The following PLEKHG5 variants were observed in gnomAD, a reference collection of about 807,000 sequenced individuals.
PLEKHG5 encodes pleckstrin homology domain-containing family G member 5.
In PLEKHG5, 52 loss-of-function variants were observed where a neutral mutation model predicts 103.8. The ratio of observed to expected loss-of-function variants is 0.50; its 90% CI spans 0.40 to 0.63. The LOEUF is 0.63. PLEKHG5 is among the 30% of genes least tolerant of loss of function. PLEKHG5 has a pLI of 0.00. For missense variants in PLEKHG5, 1,205 were observed against 1,347.6 expected, an observed-to-expected ratio of 0.89 and a Z score of 1.66; for synonymous variants, 592 against 575.5, an observed-to-expected ratio of 1.03 and a Z score of -0.41.
intron 1 of PLEKHG5, among the ~76,000 whole-genome samples, chr1:6,481,082 T>C (rs1232947688): frequency 6.6e-6 from 1 of 152,186 alleles, no homozygotes; most frequent in Non-Finnish European, 1.5e-5. Context: ...AGCCACCTTT[T>C]AGCTAGATGA....
chr1:6,470,714 C>G (rs1294852059), intron 14 of PLEKHG5, 21 bp downstream of exon 14: 12 of 1,551,640 alleles, frequency 7.7e-6, no homozygotes, highest in Non-Finnish European at 9.6e-6. Flanking sequence ...GGGGACGGCT[C>G]CCGCTGGCCA....
chr1:6,489,231 A>G, intron 1 of PLEKHG5, among the ~76,000 whole-genome samples: 1 of 152,292 alleles, frequency 6.6e-6, no homozygotes, highest in Admixed American at 6.5e-5. Context: ...GACTGCATGC[A>G]TGGGCAGGCC....
In PLEKHG5 at chr1:6,470,302, G is replaced by A. The variant is rs780943329; in HGVS notation, c.1734C>T (p.Ser578=). The change falls in exon 16 of 21, where the codon TCC becomes TCT. Residue 578 remains serine, a synonymous_variant. Transcript: ENST00000377728. ...GCAGCAGCTGCCGCGTCTCCTCCGG[G>A]GAGGCGCCAGGGATGGGCGCTGTCA... ...LDLTAPIPGA[S]PEETRQLLLE... The A allele has an allele frequency of 2.5e-6, 4 of 1,614,026 alleles. No individual in the cohort carries two copies. Among genetic ancestry groups the A allele is most frequent in the South Asian group, 2.2e-5 (2 of 91,074 alleles).
intron 9 of PLEKHG5, 74 bp downstream of exon 9, chr1:6,472,912 C>G: frequency 7.0e-7 from 1 of 1,420,888 alleles, no homozygotes; most frequent in Non-Finnish European, 9.9e-7. Flanking sequence ...CATGGAACAT[C>G]TGATCACTGG....
rs755435332 is a variant in PLEKHG5 at position 6,473,102 on chromosome 1, GGGGCAGCCT to G, written c.859_867del (p.Leu288_Arg290del). On this transcript the variant is annotated inframe_deletion, in exon 9 of 21. Coordinates refer to ENST00000377728, the MANE Select transcript of PLEKHG5 (RefSeq NM_020631.6). ...GAGTCATGGTCGAAGCGCAGCCCCC[GGGGCAGCCT>G]GGGCAGCCCGAAGAGGCTGTAGGTG... The G allele has an allele frequency of 6.2e-7, 1 of 1,613,798 alleles. No individual in the cohort carries two copies. The highest frequency in any genetic ancestry group is 8.5e-7 in the Non-Finnish European group (1 of 1,179,790).
In PLEKHG5 at chr1:6,467,204, G is replaced by A; in HGVS notation, c.*359C>T. Reference sequence around the variant, plus strand: ...CAGAACCCAGCCCAAGCCAGGGGTGGCCTGTGGGACTGGGAAGGTGGGGGC... The same window carrying A: ...CAGAACCCAGCCCAAGCCAGGGGTGACCTGTGGGACTGGGAAGGTGGGGGC... On this transcript the variant is annotated 3_prime_UTR_variant, in exon 21 of 21. Transcript: ENST00000377728. 2.1e-6 allele frequency: 1 copy of A among 480,874 alleles called. No individual in the cohort carries two copies. The highest frequency in any genetic ancestry group is 3.8e-6 in the Non-Finnish European group (1 of 260,416). The allele number at this position is 480,874 out of a possible 1,614,324, so 29.8% of individuals were successfully genotyped here. A position where few individuals can be genotyped will look rare whatever the true frequency, so the allele number is the denominator to read the frequency against.
At chr1:6,488,677 T>C (rs1216894317) in intron 1 of PLEKHG5, among the ~76,000 whole-genome samples, 1 of 151,992 alleles carries the variant, frequency 6.6e-6, no homozygotes, top group East Asian at 1.9e-4. Context: ...GGGGTGGGCC[T>C]GGGCAGGCTC....
At chr1:6,481,051 C>T (rs1296966477) in intron 1 of PLEKHG5, among the ~76,000 whole-genome samples, 4 of 152,178 alleles carry the variant, frequency 2.6e-5, no homozygotes, top group Non-Finnish European at 5.9e-5. Flanking sequence ...CCAGCCACAG[C>T]TCATAAGCGT....
intron 1 of PLEKHG5, among the ~76,000 whole-genome samples, chr1:6,506,637 A>G (rs1638330700): frequency 6.6e-6 from 1 of 152,170 alleles, no homozygotes; most frequent in African/African-American, 2.4e-5. Context: ...TGAGGAACAG[A>G]AGCACCTGTG....
chr1:6,486,483 G>A lies in PLEKHG5; in HGVS notation c.-88+5154C>T, dbSNP rs900682143. On this transcript the variant is annotated intron_variant, in intron 1 of 20. Coordinates refer to ENST00000377728, the MANE Select transcript of PLEKHG5 (RefSeq NM_020631.6). The surrounding 1 kb of genome is among the most constrained non-coding windows in gnomAD (Gnocchi z 5.3). ...GGCAGAGGCCGAGAGCCAAAGGCCG[G>A]TGGCCTCTGGAAAGGGCCGTGGGCA... Among the ~76,000 whole-genome samples the A allele has an allele frequency of 2.0e-5, 3 of 152,256 alleles. No homozygotes were observed. Among genetic ancestry groups the A allele is most frequent in the Admixed American group, 2.0e-4 (3 of 15,290 alleles).
In PLEKHG5 at chr1:6,468,361, G is replaced by A. The variant is rs1461797226; in HGVS notation, c.2475C>T (p.Thr825=). The change falls in exon 20 of 21, where the codon ACC becomes ACT. Residue 825 remains threonine, a synonymous_variant. Coordinates refer to ENST00000377728, the MANE Select transcript of PLEKHG5 (RefSeq NM_020631.6). ...CTGGGGCCACAAAGTCTTGTAAGGA[G>A]GTTGGGGAGAGGGTGCCGTAGGCAG... The part of the protein sequence containing the change: ...MDSAYGTLSP[T]SLQDFVAPGP... The A allele has an allele frequency of 6.2e-7, 1 of 1,609,530 alleles. No homozygotes were observed. Among genetic ancestry groups the A allele is most frequent in the Non-Finnish European group, 8.5e-7 (1 of 1,178,384 alleles).
At chr1:6,499,019 A>G (rs1362136902), upstream of PLEKHG5, among the ~76,000 whole-genome samples, 1 of 152,130 alleles carries the variant, frequency 6.6e-6, no homozygotes, top group Non-Finnish European at 1.5e-5. Context: ...GGGGACCTGG[A>G]GCCCTCAGCC....
upstream of PLEKHG5, among the ~76,000 whole-genome samples, chr1:6,492,397 G>A (rs922033191): frequency 1.3e-5 from 2 of 151,934 alleles, no homozygotes; most frequent in African/African-American, 2.4e-5. Flanking sequence ...ACACTGTCCC[G>A]TGGCCACCTC....
upstream of PLEKHG5, among the ~76,000 whole-genome samples, chr1:6,494,472 C>G (rs1645194687): frequency 6.6e-6 from 1 of 151,976 alleles, no homozygotes; most frequent in Admixed American, 6.6e-5. Flanking sequence ...CTATATTGCC[C>G]AGGTTGGCCT....
At chr1:6,507,061 G>A (rs148828075) in intron 1 of PLEKHG5, among the ~76,000 whole-genome samples, 1 of 152,182 alleles carries the variant, frequency 6.6e-6, no homozygotes, top group Non-Finnish European at 1.5e-5. Context: ...GGACAGGCGG[G>A]GAAATGAAAA....
chr1:6,468,534 C>T lies in PLEKHG5; in HGVS notation c.2302G>A (p.Asp768Asn). Reference protein sequence around the residue: ...TLAMVVVEPGDTLSSPEFDSG... With the variant: ...TLAMVVVEPGNTLSSPEFDSG... ...TCGAACTCGGGGGAGGACAGCGTGT[C>T]CCCAGGCTCTACCACAACCATGGCC... The change falls in exon 20 of 21, where the codon GAC becomes AAC. Residue 768 changes from aspartate to asparagine, a missense_variant. By Grantham distance (23) the Asp-to-Asn change is conservative. Transcript: ENST00000377728. The T allele has an allele frequency of 1.2e-6, 2 of 1,612,986 alleles. No individual in the cohort carries two copies.
At chr1:6,476,093 TG>T in intron 2 of PLEKHG5, 57 bp from the exon 3 acceptor site, 3 of 1,458,804 alleles carry the variant, frequency 2.1e-6, no homozygotes, top group South Asian at 1.1e-5. Context: ...GCCTGCAGCA[TG>T]GCTGCCTCCA....
chr1:6,509,115 A>G (rs1298348901), intron 1 of PLEKHG5, among the ~76,000 whole-genome samples: 1 of 152,236 alleles, frequency 6.6e-6, no homozygotes, highest in African/African-American at 2.4e-5. Context: ...GTCCCCTGGA[A>G]GCCTCACGGC....
rs773593280 is a variant in PLEKHG5 at position 6,471,816 on chromosome 1, A to C, written c.1081-8T>G. On this transcript the variant is annotated splice_polypyrimidine_tract_variant and splice_region_variant and intron_variant, in intron 10 of 20. Transcript: ENST00000377728. ...GAGGCAGCACAGGAACAGCTGTGGG[A>C]TCAGGGGATGGTGTGACTGGGGTCG... 1.9e-6 allele frequency: 3 copies of C among 1,604,888 alleles called. No homozygotes were observed. In the East Asian group the frequency reaches 6.7e-5, roughly 36 times the overall value.
Sources: gnomAD v4.1 joint callset for allele counts (sites outside exome capture counted in the v4.1 genomes callset) on GRCh38, gnomAD v4.1.1 for gene constraint, Gnocchi (gnomAD v3.1) non-coding constraint, MANE v1.5 for transcripts, NCBI Gene and HGNC (gene_info 2026-07-23, HGNC 2026-07-21) for gene names.